ITGA11: variants seen among roughly 807,000 people sequenced by gnomAD.
ITGA11 encodes the protein integrin alpha-11.
Under a neutral mutation model 141.9 loss-of-function variants are expected in ITGA11, and 97 were observed. The ratio of observed to expected loss-of-function variants is 0.68; its 90% confidence interval spans 0.58 to 0.81. The LOEUF (loss-of-function observed/expected upper bound fraction) is 0.81, where lower values mean the gene tolerates loss of function less well. Ranked by LOEUF, ITGA11 falls within the 30% of genes least tolerant of loss-of-function variation. The pLI is 0.00. For missense variants in ITGA11, 1,387 were observed against 1,559.2 expected, an observed-to-expected ratio of 0.89 and a Z score of 1.86; for synonymous variants, 658 against 624.6, an observed-to-expected ratio of 1.05 and a Z score of -0.80.
At position 68,335,708 on chromosome 15, in the gene ITGA11, G is replaced by A. The variant is rs571292268; in HGVS notation, c.1414C>T (p.Arg472Trp). 3.7e-5 allele frequency: 60 copies of A among 1,613,464 alleles called. No individual in the cohort carries two copies. The highest frequency in any genetic ancestry group is 3.0e-4 in the South Asian group (27 of 90,926). ...NRSLTIHQAMRGQQIGSYFGS... is the reference protein window; with the variant it reads ...NRSLTIHQAMWGQQIGSYFGS... ...TCCCCCTCCATTACCTGCTGGCCCC[G>A]CATAGCCTGGTGGATGGTGAGGCTC... Residue 472 changes from arginine to tryptophan, a missense_variant, in exon 12 of 30, where the codon CGG becomes TGG. Transcript: ENST00000315757. This position sits in a 1 kb window ranked among gnomAD's most constrained non-coding sequence, Gnocchi z 4.9.
At chr15:68,379,507 C>T (rs1330107902) in intron 2 of ITGA11, among the ~76,000 whole-genome samples, 1 of 152,216 alleles carries the variant, frequency 6.6e-6, no homozygotes, top group Non-Finnish European at 1.5e-5. Flanking sequence ...GGAAGCTGCT[C>T]ATTTTGCAAA....
chr15:68,307,236 C>T lies in ITGA11; in HGVS notation c.3381+112G>A. The T allele has an allele frequency of 1.3e-6, 1 of 747,596 alleles. No homozygotes were observed. The highest frequency in any genetic ancestry group is 2.2e-6 in the Non-Finnish European group (1 of 453,598). The allele number at this position is 747,596 out of a possible 1,614,324, so 46.3% of individuals were successfully genotyped here. ...GCCCACAGGTCTGCCTGATTCTCTC[C>T]TGCTGGGACATGCAGCCAGGGGTTG... On this transcript the variant is annotated intron_variant, in intron 28 of 29. Coordinates refer to ENST00000315757, the MANE Select transcript of ITGA11 (RefSeq NM_001004439.2). The surrounding 1 kb of genome is among the most constrained non-coding windows in gnomAD (Gnocchi z 6.1).
intron 16 of ITGA11, among the ~76,000 whole-genome samples, chr15:68,327,265 T>C (rs1323620561): frequency 1.3e-5 from 2 of 152,194 alleles, no homozygotes; most frequent in Admixed American, 6.5e-5. Context: ...CTCAAATCTC[T>C]GACTCTATTC....
Position 68,357,300 on chromosome 15 carries a change from C to A in ITGA11, c.601-1G>T. On this transcript the variant is annotated splice_acceptor_variant, in intron 6 of 29. Transcript: ENST00000315757. LOFTEE classifies it high-confidence loss of function. ...CTTCGCCATACTGCACAACTCCAAC[C>A]TGCAAGGGAGAGGAGAGGGCAACAG... The A allele has an allele frequency of 6.2e-7, 1 of 1,611,292 alleles. No homozygotes were observed. Among genetic ancestry groups the A allele is most frequent in the Non-Finnish European group, 8.5e-7 (1 of 1,179,038 alleles).
chr15:68,430,404 G>A (rs938775466), intron 1 of ITGA11, among the ~76,000 whole-genome samples: 2 of 152,174 alleles, frequency 1.3e-5, no homozygotes, highest in African/African-American at 2.4e-5. Flanking sequence ...TGGAAAGGTC[G>A]CATAACCAGT....
At chr15:68,417,366 G>A (rs1417525727) in intron 1 of ITGA11, among the ~76,000 whole-genome samples, 2 of 152,124 alleles carry the variant, frequency 1.3e-5, no homozygotes, top group African/African-American at 4.8e-5. Flanking sequence ...AGCAAATCCT[G>A]CAAGTTCTAG....
intron 7 of ITGA11, among the ~76,000 whole-genome samples, chr15:68,356,777 T>C (rs1230690973): frequency 2.6e-5 from 4 of 152,146 alleles, no homozygotes; most frequent in African/African-American, 9.7e-5. Context: ...CCTGGGCCTC[T>C]TGGGATGCTC....
At chr15:68,351,798 G>A (rs1056120046) in intron 7 of ITGA11, among the ~76,000 whole-genome samples, 4 of 152,008 alleles carry the variant, frequency 2.6e-5, no homozygotes, top group Admixed American at 6.5e-5. Context: ...TTTAAAAACT[G>A]TTGGCCTGGC....
At chr15:68,374,609 T>C (rs935665320) in intron 2 of ITGA11, among the ~76,000 whole-genome samples, 2 of 152,202 alleles carry the variant, frequency 1.3e-5, no homozygotes, top group Non-Finnish European at 2.9e-5. Context: ...ACAGGCTGTG[T>C]CTGTTGAGGC....
chr15:68,317,496 G>C (rs964536352), intron 20 of ITGA11, 133 bp from the exon 21 acceptor site: 25 of 667,232 alleles, frequency 3.7e-5, no homozygotes, highest in Non-Finnish European at 6.5e-5. Flanking sequence ...ATGAAAGCCT[G>C]GACCACAGCC....
intron 7 of ITGA11, among the ~76,000 whole-genome samples, chr15:68,352,339 T>C (rs936424083): frequency 8.6e-5 from 13 of 151,866 alleles, no homozygotes; most frequent in Non-Finnish European, 1.9e-4. Flanking sequence ...ATTAGAGAGC[T>C]CTGCCACCAC....
At chr15:68,407,947 C>T (rs537810975) in intron 1 of ITGA11, among the ~76,000 whole-genome samples, 2 of 152,338 alleles carry the variant, frequency 1.3e-5, no homozygotes, top group South Asian at 4.1e-4. Context: ...GAGTTCGCTC[C>T]AGCTTAAGGA....
chr15:68,403,331 A>G (rs1158093081), intron 1 of ITGA11, among the ~76,000 whole-genome samples: 1 of 152,102 alleles, frequency 6.6e-6, no homozygotes, highest in African/African-American at 2.4e-5. Flanking sequence ...GAGGTAGGGC[A>G]TGGTGGGAGA....
At chr15:68,349,193 T>C (rs1482151097) in intron 9 of ITGA11, among the ~76,000 whole-genome samples, 2 of 152,242 alleles carry the variant, frequency 1.3e-5, no homozygotes, top group African/African-American at 4.8e-5. Flanking sequence ...AGGGCATGTA[T>C]ACTATGAGAC....
At chr15:68,341,751 C>T (rs1363736750) in intron 10 of ITGA11, among the ~76,000 whole-genome samples, 3 of 152,206 alleles carry the variant, frequency 2.0e-5, no homozygotes, top group East Asian at 1.9e-4. Context: ...AGATGAATTT[C>T]TGGCTCTGCA....
Position 68,303,789 on chromosome 15 carries a change from C to G in ITGA11, c.3478G>C (p.Val1160Leu). The G allele has an allele frequency of 3.1e-6, 5 of 1,611,558 alleles. No homozygotes were observed. The highest frequency in any genetic ancestry group is 4.2e-6 in the Non-Finnish European group (5 of 1,178,260). Residue 1160 changes from valine to leucine, a missense_variant, in exon 29 of 30, where the codon GTC (valine) becomes CTC (leucine). By Grantham distance (32) the Val-to-Leu change is conservative. Coordinates refer to ENST00000315757, the MANE Select transcript of ITGA11 (RefSeq NM_001004439.2). The surrounding 1 kb of genome is among the most constrained non-coding windows in gnomAD (Gnocchi z 5.3). ...LGGLLLLALL[V>L]LALWKLGFFR... ...GCCCTCACCTTCCACAGTGCCAGGA[C>G]CAGCAGGGCCAGCAGTAGGAGGCCC... is the stretch of plus-strand genomic sequence containing the variant.
intron 1 of ITGA11, among the ~76,000 whole-genome samples, chr15:68,406,705 T>G (rs1896658088): frequency 6.6e-6 from 1 of 152,206 alleles, no homozygotes; most frequent in Admixed American, 6.5e-5. Context: ...CTCAGTGCCT[T>G]GAATGGAGGT....
intron 2 of ITGA11, among the ~76,000 whole-genome samples, chr15:68,384,223 C>T (rs77465765): frequency 7.0e-6 from 1 of 143,330 alleles, no homozygotes; most frequent in African/African-American, 2.6e-5. Flanking sequence ...CCCTCACTGA[C>T]ATCTCTTCAA....
At chr15:68,350,283 C>G (rs1894863453) in intron 9 of ITGA11, among the ~76,000 whole-genome samples, 1 of 152,136 alleles carries the variant, frequency 6.6e-6, no homozygotes. Context: ...CTCCCAGGCT[C>G]AAGCGATCCT....
Sources: gnomAD v4.1 joint callset for allele counts (sites outside exome capture counted in the v4.1 genomes callset) on GRCh38, gnomAD v4.1.1 for gene constraint, Gnocchi (gnomAD v3.1) non-coding constraint, MANE v1.5 for transcripts, NCBI Gene and HGNC (gene_info 2026-07-23, HGNC 2026-07-21) for gene names.